MCTP1: variants seen among roughly 807,000 people sequenced by gnomAD.
MCTP1 encodes the protein multiple C2 and transmembrane domain-containing protein 1.
MCTP1 carries 69 observed loss-of-function variants against 120.6 expected under a neutral mutation model. The ratio of observed to expected loss-of-function variants is 0.57; its 90% CI spans 0.47 to 0.70. The LOEUF is 0.70. Ranked by LOEUF, MCTP1 falls within the 30% of genes least tolerant of loss-of-function variation. The pLI is 0.00. For missense variants in MCTP1, 1,203 were observed against 1,248.8 expected, an observed-to-expected ratio of 0.96 and a Z score of 0.55; for synonymous variants, 529 against 493.1, an observed-to-expected ratio of 1.07 and a Z score of -0.96.
chr5:94,706,384 A>G lies in MCTP1; in HGVS notation c.*1112T>C, dbSNP rs917864787. 1.3e-5 allele frequency: 2 copies of G among 151,248 alleles called. No individual in the cohort carries two copies. The highest frequency in any genetic ancestry group is 6.6e-5 in the Admixed American group (1 of 15,144). The allele number at this position is 151,248 out of a possible 1,614,324, so 9.4% of individuals were successfully genotyped here. A position where few individuals can be genotyped will look rare whatever the true frequency, so the allele number is the denominator to read the frequency against. On this transcript the variant is annotated 3_prime_UTR_variant, in exon 23 of 23. Coordinates refer to ENST00000515393, the MANE Select transcript of MCTP1 (RefSeq NM_024717.7). ...TAGTGAAACATTGATAAAGGCAACC[A>G]CCACCCCCAAGCAGTTTATTTTATT... is the stretch of plus-strand genomic sequence containing the variant.
At chr5:94,913,174 C>T (rs1053417488) in intron 8 of MCTP1, among the ~76,000 whole-genome samples, 198 bp from the exon 9 acceptor site, 1 of 151,592 alleles carries the variant, frequency 6.6e-6, no homozygotes, top group Non-Finnish European at 1.5e-5. Context: ...ATGATAAATT[C>T]GTTGTGTAAA....
chr5:94,869,713 T>A (rs896460184), intron 16 of MCTP1, among the ~76,000 whole-genome samples: 1 of 152,114 alleles, frequency 6.6e-6, no homozygotes, highest in African/African-American at 2.4e-5. Flanking sequence ...CATTTTAGTT[T>A]AGTTCTGTGA....
chr5:94,770,945 T>C (rs1773917714), intron 19 of MCTP1, among the ~76,000 whole-genome samples: 1 of 152,194 alleles, frequency 6.6e-6, no homozygotes, highest in Non-Finnish European at 1.5e-5. Flanking sequence ...GCCAAGTCAG[T>C]GTTTCCAGCA....
intron 17 of MCTP1, among the ~76,000 whole-genome samples, chr5:94,862,621 C>T (rs761550212): frequency 3.3e-5 from 5 of 151,752 alleles, no homozygotes; most frequent in Non-Finnish European, 5.9e-5. Context: ...TTGATTTTAG[C>T]CAATAGTGAC....
intron 1 of MCTP1, among the ~76,000 whole-genome samples, chr5:95,073,315 C>T (rs891940517): frequency 6.6e-6 from 1 of 152,166 alleles, no homozygotes; most frequent in Non-Finnish European, 1.5e-5. Context: ...TTCTCTCATC[C>T]AGACTCATGG....
In MCTP1 at chr5:94,707,531, T is replaced by C; in HGVS notation, c.2965A>G (p.Ser989Gly). 6.2e-7 allele frequency: 1 copy of C among 1,612,036 alleles called. No individual in the cohort carries two copies. Among genetic ancestry groups the C allele is most frequent in the Non-Finnish European group, 8.5e-7 (1 of 1,178,626 alleles). Residue 989 changes from serine (S) to glycine (G), a missense_variant, in exon 23 of 23, where the codon AGC (serine) becomes GGC (glycine). Coordinates refer to ENST00000515393, the MANE Select transcript of MCTP1 (RefSeq NM_024717.7). ...YQELKPDPSH[S>G]PYKRKKNNLG ...TTGTTTTTCTTTCTTTTATATGGGCTATGAGAAGGATCTGGTTTCAGTTCT... is the reference window on the plus strand; with the variant it reads ...TTGTTTTTCTTTCTTTTATATGGGCCATGAGAAGGATCTGGTTTCAGTTCT...
intron 1 of MCTP1, among the ~76,000 whole-genome samples, chr5:95,220,335 C>CTTT (rs554157258): frequency 1.5e-4 from 21 of 142,650 alleles, no homozygotes; most frequent in Admixed American, 4.2e-4. Context: ...TTTCTTCTTC[C>CTTT]TTTTTTTTTT....
chr5:95,178,328 A>T (rs971769392), intron 1 of MCTP1, among the ~76,000 whole-genome samples: 9 of 152,166 alleles, frequency 5.9e-5, no homozygotes, highest in African/African-American at 4.8e-5. Flanking sequence ...CCACTGCCTG[A>T]TCCTGCTTAT....
rs753442448 is a variant in MCTP1 at position 94,867,271 on chromosome 5, A to C, written c.2436+1062T>G. On this transcript the variant is annotated intron_variant, in intron 17 of 22. Coordinates refer to ENST00000515393, the MANE Select transcript of MCTP1 (RefSeq NM_024717.7). ...CAATTGCTTTCTTTAGGGAGACAAC[A>C]ACACGTCTATGGGAAGCAGGCTGCC... The C allele has an allele frequency of 7.2e-6, 11 of 1,523,592 alleles. No individual in the cohort carries two copies. In the African/African-American group the frequency reaches 1.4e-4, roughly 19 times the overall value. The allele number at this position is 1,523,592 out of a possible 1,614,324, so 94.4% of individuals were successfully genotyped here. A position where few individuals can be genotyped will look rare whatever the true frequency, so the allele number is the denominator to read the frequency against.
intron 1 of MCTP1, among the ~76,000 whole-genome samples, chr5:95,053,244 T>C (rs1746474113): frequency 6.6e-6 from 1 of 152,208 alleles, no homozygotes; most frequent in East Asian, 1.9e-4. Context: ...TAAATAAGCA[T>C]ATCTCCACCC....
At chr5:94,956,554 A>G (rs1013215087) in intron 2 of MCTP1, among the ~76,000 whole-genome samples, 10 of 152,210 alleles carry the variant, frequency 6.6e-5, no homozygotes, top group African/African-American at 2.4e-4. Flanking sequence ...TAGAATAACC[A>G]GTTCAGAGAA....
At chr5:94,940,749 A>G (rs1040179702) in intron 4 of MCTP1, among the ~76,000 whole-genome samples, 3 of 151,288 alleles carry the variant, frequency 2.0e-5, no homozygotes, top group African/African-American at 7.3e-5. Flanking sequence ...TACATTTTTT[A>G]ATGATTACAT....
chr5:94,886,890 T>C (rs934189168), intron 12 of MCTP1, among the ~76,000 whole-genome samples: 2 of 152,204 alleles, frequency 1.3e-5, no homozygotes, highest in African/African-American at 4.8e-5. Context: ...TGTGTGTATA[T>C]ATAAAGTATC....
chr5:94,876,572 T>C (rs2153345045), intron 12 of MCTP1, among the ~76,000 whole-genome samples: 1 of 152,282 alleles, frequency 6.6e-6, no homozygotes, highest in East Asian at 1.9e-4. Flanking sequence ...ATAATCTATT[T>C]TTCTCTCTCT....
chr5:95,058,006 TACA>T (rs149279707), intron 1 of MCTP1, among the ~76,000 whole-genome samples: 5,657 of 152,228 alleles, frequency 0.037, 121 homozygotes, highest in African/African-American at 0.056. Flanking sequence ...TTAATTAAAT[TACA>T]ACAACAACAA....
intron 1 of MCTP1, among the ~76,000 whole-genome samples, chr5:95,174,269 C>T (rs1747709178): frequency 6.6e-6 from 1 of 152,066 alleles, no homozygotes; most frequent in Admixed American, 6.5e-5. Flanking sequence ...TATAAAATGG[C>T]CCATCAACTG....
At chr5:94,955,684 G>A (rs1056904965) in intron 2 of MCTP1, among the ~76,000 whole-genome samples, 1 of 152,190 alleles carries the variant, frequency 6.6e-6, no homozygotes, top group Admixed American at 6.5e-5. Context: ...CTGCAGCTCA[G>A]CAAAGCCACT....
chr5:95,152,623 G>T (rs1744659140), intron 1 of MCTP1, among the ~76,000 whole-genome samples: 1 of 152,138 alleles, frequency 6.6e-6, no homozygotes, highest in African/African-American at 2.4e-5. Context: ...TGATTCCTTT[G>T]TTTTGTTCTT....
intron 1 of MCTP1, among the ~76,000 whole-genome samples, chr5:95,250,137 C>G (rs1295483536): frequency 6.6e-6 from 1 of 151,600 alleles, no homozygotes; most frequent in East Asian, 1.9e-4. Flanking sequence ...GCACATGTAC[C>G]CTAGAACTTA....
Sources: allele counts gnomAD v4.1 joint callset (sites outside exome capture counted in the v4.1 genomes callset), GRCh38; gene constraint gnomAD v4.1.1; transcripts MANE v1.5; gene names NCBI Gene and HGNC (gene_info 2026-07-23, HGNC 2026-07-21).